The following SLC9A9 variants were observed in gnomAD, a reference collection of about 807,000 sequenced individuals.
The protein encoded by SLC9A9 is sodium/hydrogen exchanger 9.
SLC9A9 carries 62 observed loss-of-function variants against 77.8 expected under a neutral mutation model. The observed-to-expected ratio is 0.80, with a 90% CI of 0.65 to 0.98. The LOEUF (loss-of-function observed/expected upper bound fraction) is 0.98, where lower values mean the gene tolerates loss of function less well. Among genes scored for constraint, SLC9A9 ranks in the 50% least tolerant of loss-of-function variants. The pLI is 0.00. For missense variants in SLC9A9, 775 were observed against 774.9 expected (o/e 1.00, Z 0.00); for synonymous variants, 320 against 283.5 (o/e 1.13, Z -1.29).
chr3:143,622,688 T>C (rs1458270196), intron 6 of SLC9A9, among the ~76,000 whole-genome samples: 3 of 152,168 alleles, frequency 2.0e-5, no homozygotes, highest in Admixed American at 2.0e-4. Flanking sequence ...CCATCGATGC[T>C]AGGAAGAAAC....
intron 12 of SLC9A9, among the ~76,000 whole-genome samples, chr3:143,447,589 T>C (rs1269994820): frequency 6.6e-6 from 1 of 152,148 alleles, no homozygotes; most frequent in Non-Finnish European, 1.5e-5. Context: ...TAAAATCCAT[T>C]TCAAGGCCCA....
At chr3:143,339,449 CT>C (rs1486533457) in intron 14 of SLC9A9, among the ~76,000 whole-genome samples, 1 of 152,182 alleles carries the variant, frequency 6.6e-6, no homozygotes, top group Non-Finnish European at 1.5e-5. Context: ...AGGATTTTCT[CT>C]GCTTGAATCC....
intron 6 of SLC9A9, among the ~76,000 whole-genome samples, chr3:143,625,698 A>G (rs1222648279): frequency 1.3e-5 from 2 of 152,204 alleles, no homozygotes; most frequent in East Asian, 1.9e-4. Context: ...TCAGGACATA[A>G]GCATGGGCAA....
intron 12 of SLC9A9, 62 bp from the exon 13 acceptor site, chr3:143,382,176 G>A (rs536370904): frequency 1.3e-6 from 2 of 1,559,628 alleles, no homozygotes; most frequent in East Asian, 4.5e-5. Context: ...ACAGTCTTGT[G>A]TGTCAGATGA....
Position 143,499,966 on chromosome 3 carries a change from G to C in SLC9A9, c.1090-4518C>G, listed in dbSNP as rs573329778. On this transcript the variant is annotated intron_variant, in intron 9 of 15. Transcript: ENST00000316549. The stretch of plus-strand genomic sequence containing the variant: ...TATTAACCTTTTTTATATACCACTG[G>C]ATTTAATTTGCTAAGATTGTGTTTA... 4.1e-4 allele frequency among the ~76,000 whole-genome samples: 63 copies of C among 152,198 alleles called. No individual in the cohort carries two copies. In the South Asian group the frequency reaches 4.6e-3, roughly 11 times the overall value.
At chr3:143,495,228 G>T in intron 10 of SLC9A9, 107 bp downstream of exon 10, 2 of 924,160 alleles carry the variant, frequency 2.2e-6, no homozygotes, top group Non-Finnish European at 3.5e-6. Flanking sequence ...TCTGAGCCTT[G>T]CAGTGGACTT....
chr3:143,506,591 C>T (rs2036022645), intron 9 of SLC9A9, among the ~76,000 whole-genome samples: 1 of 152,168 alleles, frequency 6.6e-6, no homozygotes, highest in Non-Finnish European at 1.5e-5. Flanking sequence ...TTTCATTCAA[C>T]AGTCTTATTA....
At chr3:143,404,849 C>T (rs1423601199) in intron 12 of SLC9A9, among the ~76,000 whole-genome samples, 2 of 152,208 alleles carry the variant, frequency 1.3e-5, no homozygotes, top group Non-Finnish European at 2.9e-5. Context: ...GGTTACTGCT[C>T]AGTTTTCTTT....
intron 12 of SLC9A9, among the ~76,000 whole-genome samples, chr3:143,452,312 G>A (rs527258088): frequency 6.6e-6 from 1 of 151,992 alleles, no homozygotes; most frequent in Admixed American, 6.5e-5. Context: ...GAATATTCTT[G>A]CCAAAAATAT....
intron 12 of SLC9A9, among the ~76,000 whole-genome samples, chr3:143,409,270 T>G (rs962720390): frequency 6.6e-6 from 1 of 152,206 alleles, no homozygotes; most frequent in Non-Finnish European, 1.5e-5. Context: ...ACAAAAATAG[T>G]TATCTGATCT....
At chr3:143,791,340 G>T (rs1322624508) in intron 4 of SLC9A9, among the ~76,000 whole-genome samples, 2 of 152,158 alleles carry the variant, frequency 1.3e-5, no homozygotes, top group Non-Finnish European at 2.9e-5. Flanking sequence ...AAAACTTAAA[G>T]ACCTTGTTCA....
At chr3:143,278,073 T>A (rs1938105776) in intron 14 of SLC9A9, among the ~76,000 whole-genome samples, 1 of 152,140 alleles carries the variant, frequency 6.6e-6, no homozygotes, top group Non-Finnish European at 1.5e-5. Flanking sequence ...GGTATCCAGC[T>A]TCATCCATGT....
intron 5 of SLC9A9, among the ~76,000 whole-genome samples, chr3:143,668,782 C>T (rs554626372): frequency 2.0e-5 from 3 of 152,320 alleles, no homozygotes; most frequent in East Asian, 1.9e-4. Flanking sequence ...CTGTATTCTG[C>T]CCTCGTAATC....
chr3:143,624,176 T>A (rs1377909262), intron 6 of SLC9A9, among the ~76,000 whole-genome samples: 1 of 152,238 alleles, frequency 6.6e-6, no homozygotes, highest in Non-Finnish European at 1.5e-5. Context: ...AGCCAAATTC[T>A]ACCAGAGGTA....
intron 6 of SLC9A9, chr3:143,626,781 GA>G (rs2038336856): frequency 6.6e-6 from 1 of 151,690 alleles, no homozygotes; most frequent in Non-Finnish European, 1.5e-5. Flanking sequence ...TTAAAAAAAA[GA>G]AATAGGAGAA....
chr3:143,382,418 C>A (rs753282082), intron 12 of SLC9A9, among the ~76,000 whole-genome samples: 9 of 152,144 alleles, frequency 5.9e-5, no homozygotes, highest in Non-Finnish European at 1.3e-4. Context: ...ACCTCCATAG[C>A]CCCAAAAACA....
At chr3:143,496,365 G>C (rs1559940464) in intron 9 of SLC9A9, among the ~76,000 whole-genome samples, 1 of 152,112 alleles carries the variant, frequency 6.6e-6, no homozygotes, top group Non-Finnish European at 1.5e-5. Flanking sequence ...TCCATTCCTG[G>C]ACCTACATAA....
intron 12 of SLC9A9, among the ~76,000 whole-genome samples, chr3:143,418,357 C>G (rs1341517753): frequency 6.6e-6 from 1 of 151,986 alleles, no homozygotes; most frequent in Admixed American, 6.6e-5. Context: ...CTGTGGTAAA[C>G]AGTGTTGGCT....
intron 5 of SLC9A9, among the ~76,000 whole-genome samples, chr3:143,663,883 G>A (rs1354325294): frequency 6.6e-6 from 1 of 152,156 alleles, no homozygotes; most frequent in African/African-American, 2.4e-5. Context: ...TGGGGAGAAT[G>A]GAACCAACTT....
Sources: allele counts gnomAD v4.1 joint callset (sites outside exome capture counted in the v4.1 genomes callset), GRCh38; gene constraint gnomAD v4.1.1; transcripts MANE v1.5; gene names NCBI Gene and HGNC (gene_info 2026-07-23, HGNC 2026-07-21).